NKAIN2: variants seen among roughly 807,000 people sequenced by gnomAD.
The protein encoded by NKAIN2 is sodium/potassium transporting ATPase interacting 2, also known as sodium/potassium-transporting ATPase subunit beta-1-interacting protein 2.
A neutral mutation model predicts 32.6 loss-of-function variants in NKAIN2; 14 were observed. The ratio of observed to expected loss-of-function variants is 0.43; its 90% CI spans 0.28 to 0.67. The LOEUF (loss-of-function observed/expected upper bound fraction) is 0.67. NKAIN2 is among the 30% of genes least tolerant of loss of function. NKAIN2 has a pLI of 0.17. For missense variants in NKAIN2, 198 were observed against 258.3 expected, an observed-to-expected ratio of 0.77 and a Z score of 1.60; for synonymous variants, 80 against 87.2, an observed-to-expected ratio of 0.92 and a Z score of 0.46.
At chr6:124,157,102 CAA>C (rs386408503) in intron 1 of NKAIN2, among the ~76,000 whole-genome samples, 1,886 of 48,612 alleles carry the variant, frequency 0.039, 12 homozygotes, top group Admixed American at 0.11. Context: ...GACTCTGTCT[CAA>C]AAAAAAAAAA....
At chr6:124,359,744 C>T (rs1314752815) in intron 3 of NKAIN2, among the ~76,000 whole-genome samples, 3 of 152,088 alleles carry the variant, frequency 2.0e-5, no homozygotes, top group African/African-American at 4.8e-5. Context: ...TTCCTCTTTT[C>T]CTAATTGAAT....
In NKAIN2 at chr6:124,466,926, G is replaced by A. The variant is rs548909749; in HGVS notation, c.273+111579G>A. Among the ~76,000 whole-genome samples the A allele has an allele frequency of 8.7e-4, 133 of 152,174 alleles. 1 individual carries two copies. The highest frequency in any genetic ancestry group is 3.4e-3 in the Middle Eastern group (1 of 294). ...CTAGAAATATTTCCAAAAAAAGGAA[G>A]AGTAGTTATATTAGCAAAAGGTGTG... On this transcript the variant is annotated intron_variant, in intron 3 of 6. Transcript: ENST00000368417.
At chr6:124,083,262 C>T in intron 1 of NKAIN2, among the ~76,000 whole-genome samples, 1 of 151,762 alleles carries the variant, frequency 6.6e-6, no homozygotes, top group East Asian at 1.9e-4. Flanking sequence ...GGGATATTTA[C>T]AGGATTAATT....
intron 3 of NKAIN2, chr6:124,437,872 A>ATTTTTTTTTTT (rs374033234): frequency 2.0e-5 from 7 of 344,330 alleles, no homozygotes; most frequent in Non-Finnish European, 3.8e-5. Flanking sequence ...TGATCTATTG[A>ATTTTTTTTTTT]TTTTTTTTTT....
At chr6:124,299,844 A>G (rs1185210395) in intron 2 of NKAIN2, among the ~76,000 whole-genome samples, 1 of 152,258 alleles carries the variant, frequency 6.6e-6, no homozygotes, top group Non-Finnish European at 1.5e-5. Context: ...AACAATGAAG[A>G]TTACAACAAT....
chr6:124,171,775 C>T (rs1459629620), intron 1 of NKAIN2, among the ~76,000 whole-genome samples: 1 of 150,454 alleles, frequency 6.6e-6, no homozygotes, highest in African/African-American at 2.5e-5. Flanking sequence ...TGGTCTCGAA[C>T]TCCTGAGCTC....
chr6:124,395,242 A>C (rs1381116066), intron 3 of NKAIN2, among the ~76,000 whole-genome samples: 3 of 152,168 alleles, frequency 2.0e-5, no homozygotes, highest in Admixed American at 6.5e-5. Context: ...TTCCCACAGG[A>C]TGAACATCCA....
rs757859790 is a variant in NKAIN2, at chr6:124,799,468, T to C, written c.535+8069T>C. 2.0e-5 allele frequency among the ~76,000 whole-genome samples: 3 copies of C among 151,982 alleles called. No individual in the cohort carries two copies. The East Asian group carries it at 5.8e-4, about 29-fold the overall frequency. ...CTATATTGCTTTTCACTCATACACA[T>C]ACACACACACACATACTATGTTCAT... On this transcript the variant is annotated intron_variant, in intron 5 of 6. Coordinates refer to ENST00000368417, the MANE Select transcript of NKAIN2 (RefSeq NM_001040214.3).
chr6:124,113,911 G>A (rs977951412), intron 1 of NKAIN2, among the ~76,000 whole-genome samples: 1 of 152,186 alleles, frequency 6.6e-6, no homozygotes, highest in Non-Finnish European at 1.5e-5. Context: ...TGAAGAAGGA[G>A]AGTCTAGGAT....
chr6:124,572,572 G>A (rs940986161), intron 3 of NKAIN2, among the ~76,000 whole-genome samples: 3 of 152,042 alleles, frequency 2.0e-5, no homozygotes, highest in Admixed American at 2.0e-4. Context: ...AAATGACAAG[G>A]GTGGCGCACA....
At chr6:124,302,110 T>G (rs1796314408) in intron 2 of NKAIN2, among the ~76,000 whole-genome samples, 1 of 152,166 alleles carries the variant, frequency 6.6e-6, no homozygotes, top group Non-Finnish European at 1.5e-5. Flanking sequence ...CTGGTGGTAG[T>G]GAATAAGTCT....
chr6:124,497,989 A>G (rs1389237855), intron 3 of NKAIN2, among the ~76,000 whole-genome samples: 4 of 152,134 alleles, frequency 2.6e-5, no homozygotes, highest in East Asian at 1.9e-4. Context: ...ATTAAAATGC[A>G]TATTTCTATA....
At position 124,505,957 on chromosome 6, in the gene NKAIN2, A is replaced by G. The variant is rs571028765; in HGVS notation, c.273+150610A>G. On this transcript the variant is annotated intron_variant, in intron 3 of 6. Coordinates refer to ENST00000368417, the MANE Select transcript of NKAIN2 (RefSeq NM_001040214.3). Reference sequence around the variant, plus strand: ...GGGAGGCCGAGGCAGGCAGATCACGAGGTCAAGAGACCGAGACCATCCTGG... The same window carrying G: ...GGGAGGCCGAGGCAGGCAGATCACGGGGTCAAGAGACCGAGACCATCCTGG... Among the ~76,000 whole-genome samples the G allele has an allele frequency of 3.3e-3, 507 of 152,250 alleles. 3 individuals are homozygous for G. The highest frequency in any genetic ancestry group is 0.012 in the African/African-American group (482 of 41,570).
chr6:124,587,013 A>G (rs1449675836), intron 3 of NKAIN2, among the ~76,000 whole-genome samples: 2 of 152,320 alleles, frequency 1.3e-5, no homozygotes. Context: ...ACAGATCCCT[A>G]GTTTCCAGGG....
At chr6:123,824,606 T>C (rs554500182) in intron 1 of NKAIN2, among the ~76,000 whole-genome samples, 4 of 151,792 alleles carry the variant, frequency 2.6e-5, no homozygotes, top group African/African-American at 9.7e-5. Flanking sequence ...TTAGGACAAA[T>C]ACCTAATGCA....
intron 1 of NKAIN2, among the ~76,000 whole-genome samples, chr6:123,983,745 ATT>A (rs10589453): frequency 0.67 from 100,989 of 149,918 alleles, 34,074 homozygotes; most frequent in East Asian, 0.85. Context: ...ATATATATAT[ATT>A]TTTTTTTTCT....
intron 3 of NKAIN2, among the ~76,000 whole-genome samples, chr6:124,392,303 T>A (rs1773176987): frequency 6.6e-6 from 1 of 152,184 alleles, no homozygotes; most frequent in African/African-American, 2.4e-5. Context: ...CAGTACCTAA[T>A]ACCATGCTAT....
At chr6:124,110,547 T>C (rs1005979940) in intron 1 of NKAIN2, among the ~76,000 whole-genome samples, 1 of 152,030 alleles carries the variant, frequency 6.6e-6, no homozygotes, top group Non-Finnish European at 1.5e-5. Context: ...CCACATCTCC[T>C]TCTTCCCTCC....
intron 2 of NKAIN2, among the ~76,000 whole-genome samples, chr6:124,334,511 C>A (rs1307415939): frequency 2.0e-5 from 3 of 150,008 alleles, no homozygotes; most frequent in Admixed American, 1.3e-4. Context: ...ACTGATTGGT[C>A]AGGCTGTAGC....
Sources: gnomAD v4.1 joint callset for allele counts (sites outside exome capture counted in the v4.1 genomes callset) on GRCh38, gnomAD v4.1.1 for gene constraint, MANE v1.5 for transcripts, NCBI Gene and HGNC (gene_info 2026-07-23, HGNC 2026-07-21) for gene names.